Variants in COLEC12 observed in about 807,000 individuals in gnomAD.
COLEC12 encodes the protein collectin-12.
A neutral mutation model predicts 71.1 loss-of-function variants in COLEC12; 33 were observed. That is an observed-to-expected ratio of 0.46 (90% CI 0.35 to 0.62). The LOEUF is 0.62. Ranked by LOEUF, COLEC12 falls within the 20% of genes least tolerant of loss-of-function variation. The pLI, the probability that COLEC12 is intolerant of heterozygous loss-of-function variation, is 0.00. For missense variants in COLEC12, 765 were observed against 916.1 expected (o/e 0.84, Z 2.13); for synonymous variants, 350 against 353.0 (o/e 0.99, Z 0.10).
At chr18:331,578 A>G (rs1913982079) in intron 8 of COLEC12, 90 bp downstream of exon 8, 1 of 811,704 alleles carries the variant, frequency 1.2e-6, no homozygotes, top group Admixed American at 2.1e-5. Flanking sequence ...ACACGAGGTC[A>G]TTAAGGAAGA....
At chr18:490,937 C>T (rs1175147573) in intron 1 of COLEC12, among the ~76,000 whole-genome samples, 1 of 152,238 alleles carries the variant, frequency 6.6e-6, no homozygotes, top group African/African-American at 2.4e-5. Flanking sequence ...CCATTGGTTG[C>T]TCTATCGTGT....
chr18:500,628 C>T lies in COLEC12; in HGVS notation c.-114G>A, dbSNP rs986952896. On this transcript the variant is annotated 5_prime_UTR_variant, in exon 1 of 10. Coordinates refer to ENST00000400256, the MANE Select transcript of COLEC12 (RefSeq NM_130386.3). The surrounding 1 kb of genome is among the most constrained non-coding windows in gnomAD (Gnocchi z 5.3). ...CGCCCATGGTAGCCGCGCCGCGCGC[C>T]GGCCGTCTGCGCCCCCGTCCTCCCT... 3.5e-6 allele frequency: 3 copies of T among 856,248 alleles called. No homozygotes were observed. Among genetic ancestry groups the T allele is most frequent in the Non-Finnish European group, 4.5e-6 (3 of 667,328 alleles). The allele number at this position is 856,248 out of a possible 1,614,324, so 53.0% of individuals were successfully genotyped here.
intron 2 of COLEC12, among the ~76,000 whole-genome samples, chr18:369,390 T>TTA (rs1914944577): frequency 1.4e-5 from 2 of 144,568 alleles, no homozygotes; most frequent in Non-Finnish European, 1.5e-5. Context: ...CAGATCTTTT[T>TTA]TTTTTTATTT....
At chr18:499,913 G>T (rs577184647) in intron 1 of COLEC12, among the ~76,000 whole-genome samples, 3 of 152,350 alleles carry the variant, frequency 2.0e-5, no homozygotes, top group African/African-American at 7.2e-5. Context: ...ACGCGGAACC[G>T]AGGGCAACTA....
At chr18:457,081 A>T (rs1916888147) in intron 2 of COLEC12, among the ~76,000 whole-genome samples, 1 of 152,184 alleles carries the variant, frequency 6.6e-6, no homozygotes, top group African/African-American at 2.4e-5. Context: ...GGATCAGTGC[A>T]GCCAGGTAAC....
intron 1 of COLEC12, among the ~76,000 whole-genome samples, chr18:493,188 C>T (rs552076275): frequency 5.9e-5 from 9 of 152,282 alleles, no homozygotes; most frequent in African/African-American, 2.2e-4. Context: ...GATCCTCCCA[C>T]CTCAGTCTCC....
At chr18:496,159 A>T (rs750884251) in intron 1 of COLEC12, among the ~76,000 whole-genome samples, 2 of 152,242 alleles carry the variant, frequency 1.3e-5, no homozygotes, top group African/African-American at 4.8e-5. Flanking sequence ...AAATAATATT[A>T]TAATGAGAAT....
chr18:377,692 A>C (rs1255356732), intron 2 of COLEC12, among the ~76,000 whole-genome samples: 1 of 152,136 alleles, frequency 6.6e-6, no homozygotes, highest in Non-Finnish European at 1.5e-5. Flanking sequence ...AGCTTTGAAG[A>C]CCTATTTTTT....
chr18:471,921 G>A (rs915454008), intron 2 of COLEC12, among the ~76,000 whole-genome samples: 1 of 152,076 alleles, frequency 6.6e-6, no homozygotes, highest in Non-Finnish European at 1.5e-5. Context: ...GTAGACAGAA[G>A]GCCCCTGGGA....
At chr18:380,535 T>C (rs1467802374) in intron 2 of COLEC12, among the ~76,000 whole-genome samples, 1 of 152,172 alleles carries the variant, frequency 6.6e-6, no homozygotes. Context: ...CAAATTTGTG[T>C]CGATGATTAA....
rs1917803243 is a variant in COLEC12 at position 500,534 on chromosome 18, C to A, written c.-20G>T. The A allele has an allele frequency of 1.6e-6, 2 of 1,225,838 alleles. No homozygotes were observed. Among genetic ancestry groups the A allele is most frequent in the African/African-American group, 1.6e-5 (1 of 63,850 alleles). 75.9% of individuals were successfully genotyped at this position (1,225,838 alleles called of 1,614,324 possible). A position where few individuals can be genotyped will look rare whatever the true frequency, so the allele number is the denominator to read the frequency against. ...TTTCATGGTGACCGTGGGGACGCAC[C>A]GCCGGCCGGGGAGCTCCGCGCGAGC... On this transcript the variant is annotated 5_prime_UTR_variant, in exon 1 of 10. Transcript: ENST00000400256. The surrounding 1 kb of genome is among the most constrained non-coding windows in gnomAD (Gnocchi z 5.3).
chr18:420,741 T>A (rs1916081832), intron 2 of COLEC12, among the ~76,000 whole-genome samples: 1 of 152,218 alleles, frequency 6.6e-6, no homozygotes, highest in African/African-American at 2.4e-5. Flanking sequence ...ATTATGATGA[T>A]GTTTTAACAT....
chr18:460,093 G>A (rs181912537), intron 2 of COLEC12, among the ~76,000 whole-genome samples: 4 of 152,118 alleles, frequency 2.6e-5, no homozygotes, highest in East Asian at 1.9e-4. Context: ...TATTTTGATC[G>A]GGCTGTGAGC....
At chr18:396,673 G>A (rs958234091) in intron 2 of COLEC12, among the ~76,000 whole-genome samples, 2 of 152,230 alleles carry the variant, frequency 1.3e-5, no homozygotes, top group Non-Finnish European at 2.9e-5. Flanking sequence ...CCCTCCAGAT[G>A]GACCAGCCCT....
intron 2 of COLEC12, among the ~76,000 whole-genome samples, chr18:419,571 G>T (rs1242568713): frequency 2.6e-5 from 4 of 152,152 alleles, no homozygotes; most frequent in African/African-American, 9.7e-5. Context: ...CTATCAAAAC[G>T]TTTCTAACAA....
Position 347,074 on chromosome 18 carries a change from T to C in COLEC12, c.548A>G (p.Gln183Arg). The change falls in exon 5 of 10, where the codon CAA (glutamine) becomes CGA (arginine). Residue 183 changes from glutamine to arginine, a missense_variant. Transcript: ENST00000400256. ...AYNGYVTNLQQDTSVLQGNLQ... is the reference protein window; with the variant it reads ...AYNGYVTNLQRDTSVLQGNLQ... ...ATTGCCCTGGAGCACGCTGGTATCT[T>C]GCTGCAGATTCGTGACATAGCCATT... 1 of 1,614,216 alleles carries C rather than the reference T, an allele frequency of 6.2e-7. No individual in the cohort carries two copies. The highest frequency in any genetic ancestry group is 1.1e-5 in the South Asian group (1 of 91,080).
chr18:368,030 G>A (rs1286139727), intron 2 of COLEC12, among the ~76,000 whole-genome samples: 1 of 152,126 alleles, frequency 6.6e-6, no homozygotes. Context: ...AATGAAACTG[G>A]AAATAAAAAT....
chr18:360,598 G>T (rs1170547596), intron 2 of COLEC12, among the ~76,000 whole-genome samples: 3 of 152,170 alleles, frequency 2.0e-5, no homozygotes, highest in Non-Finnish European at 2.9e-5. Flanking sequence ...AAACTTTAAA[G>T]TGCTTACACA....
rs1311433899 is a variant in COLEC12, at chr18:449,902, A to G, written c.58+30805T>C. Among the ~76,000 whole-genome samples the G allele has an allele frequency of 2.0e-5, 3 of 152,262 alleles. No homozygotes were observed. In the East Asian group the frequency reaches 5.8e-4, roughly 29 times the overall value. ...CCTCCTCTCTTTTAAAAGGTGTTGG[A>G]CCTGTGTCATCATAATTTTGTTACT... On this transcript the variant is annotated intron_variant, in intron 2 of 9. Coordinates refer to ENST00000400256, the MANE Select transcript of COLEC12 (RefSeq NM_130386.3).
Sources: allele counts gnomAD v4.1 joint callset (sites outside exome capture counted in the v4.1 genomes callset), GRCh38; gene constraint gnomAD v4.1.1; non-coding constraint Gnocchi (gnomAD v3.1); transcripts MANE v1.5; gene names NCBI Gene and HGNC (gene_info 2026-07-23, HGNC 2026-07-21).